Variants in TMEM161B observed in about 807,000 individuals in gnomAD.
The protein encoded by TMEM161B is transmembrane protein 161B.
In TMEM161B, 34 loss-of-function variants were observed where a neutral mutation model predicts 61.8. The observed-to-expected ratio is 0.55, with a 90% CI of 0.42 to 0.73. TMEM161B has a LOEUF of 0.73. TMEM161B is among the 30% of genes least tolerant of loss of function. The pLI is 0.00. For missense variants in TMEM161B, 456 were observed against 558.5 expected (o/e 0.82, Z 1.85); for synonymous variants, 167 against 192.8 (o/e 0.87, Z 1.11).
intron 4 of TMEM161B, among the ~76,000 whole-genome samples, chr5:88,223,901 A>T (rs922351942): frequency 1.3e-5 from 2 of 152,128 alleles, no homozygotes; most frequent in Non-Finnish European, 2.9e-5. Flanking sequence ...AAAAAATAAA[A>T]AAAAAAAACA....
intron 1 of TMEM161B, among the ~76,000 whole-genome samples, chr5:88,255,314 G>A (rs1389998534): frequency 1.3e-5 from 2 of 152,146 alleles, no homozygotes; most frequent in Non-Finnish European, 2.9e-5. Flanking sequence ...AGCATCTCTG[G>A]TATCCCACTA....
intron 3 of TMEM161B, among the ~76,000 whole-genome samples, chr5:88,227,955 T>C (rs934615355): frequency 6.6e-6 from 1 of 152,208 alleles, no homozygotes; most frequent in Non-Finnish European, 1.5e-5. Flanking sequence ...AATTAGTAGG[T>C]AGTTCTCTTC....
chr5:88,188,361 C>T (rs187292279), downstream of TMEM161B, among the ~76,000 whole-genome samples: 54 of 151,950 alleles, frequency 3.6e-4, 1 homozygote, highest in East Asian at 8.4e-3. Flanking sequence ...GATGATCCAC[C>T]CGTCTCAGCC....
intron 2 of TMEM161B, among the ~76,000 whole-genome samples, chr5:88,237,480 C>T (rs1340662717): frequency 2.0e-5 from 3 of 152,020 alleles, no homozygotes; most frequent in Admixed American, 6.6e-5. Context: ...AGGGACCTAC[C>T]TGGAGAGCTG....
chr5:88,215,011 T>C (rs1747557745), intron 5 of TMEM161B, among the ~76,000 whole-genome samples: 1 of 152,222 alleles, frequency 6.6e-6, no homozygotes, highest in African/African-American at 2.4e-5. Context: ...GAAAGCATAA[T>C]TTGCTGTCTT....
chr5:88,203,494 G>T (rs566770830), intron 8 of TMEM161B, among the ~76,000 whole-genome samples: 1 of 151,510 alleles, frequency 6.6e-6, no homozygotes, highest in African/African-American at 2.4e-5. Context: ...CAGAAGAGTC[G>T]TCTGATACTT....
intron 1 of TMEM161B, among the ~76,000 whole-genome samples, chr5:88,246,252 C>T (rs1753603585): frequency 6.6e-6 from 1 of 151,270 alleles, no homozygotes; most frequent in South Asian, 2.1e-4. Context: ...TACAATGTAT[C>T]TGCTCTTAGG....
rs761968910 is a variant in TMEM161B, at chr5:88,199,113, A to G, written c.952T>C (p.Leu318=). The G allele has an allele frequency of 6.2e-7, 1 of 1,612,636 alleles. No individual in the cohort carries two copies. The highest frequency in any genetic ancestry group is 8.5e-7 in the Non-Finnish European group (1 of 1,179,216). The part of the protein sequence containing the change: ...EATFDTLRLW[L]IILLCALRLA... ...CGCAAAGCACACAGCAGGATTATTA[A>G]CCAGAGTCGCAGAGTATCGAATGTG... is the stretch of plus-strand genomic sequence containing the variant. The change falls in exon 10 of 12, where the codon TTA becomes CTA. Residue 318 remains leucine, a synonymous_variant. Transcript: ENST00000296595.
chr5:88,190,008 T>C, exon 13 of TMEM161B: 2 of 698,216 alleles, frequency 2.9e-6, no homozygotes, highest in South Asian at 3.0e-5. Flanking sequence ...CAGCCCATTA[T>C]CTGAGCCGAT....
chr5:88,239,603 T>A (rs576855718), intron 2 of TMEM161B, among the ~76,000 whole-genome samples: 2 of 152,126 alleles, frequency 1.3e-5, no homozygotes, highest in East Asian at 3.9e-4. Flanking sequence ...CCTCAAAATG[T>A]GCATTTGTGA....
intron 1 of TMEM161B, among the ~76,000 whole-genome samples, chr5:88,267,262 T>G (rs954778840): frequency 3.9e-5 from 6 of 152,184 alleles, no homozygotes; most frequent in African/African-American, 1.4e-4. Context: ...TTTCTCCCAG[T>G]TCTGTTTTCC....
chr5:88,195,252 T>A lies in TMEM161B; in HGVS notation c.*959A>T. The A allele has an allele frequency of 7.3e-6, 7 of 959,146 alleles. No homozygotes were observed. Among genetic ancestry groups the A allele is most frequent in the Non-Finnish European group, 8.7e-6 (7 of 805,858 alleles). 59.4% of individuals were successfully genotyped at this position (959,146 alleles called of 1,614,324 possible). ...AATCTCATTCCAAAAAGAAATAAAA[T>A]TTCTAGATACAAATACATCTCATTC... On this transcript the variant is annotated 3_prime_UTR_variant, in exon 12 of 12. Transcript: ENST00000296595.
chr5:88,254,288 G>A (rs1392471076), intron 1 of TMEM161B, among the ~76,000 whole-genome samples: 1 of 152,134 alleles, frequency 6.6e-6, no homozygotes, highest in Non-Finnish European at 1.5e-5. Context: ...CGTTCTAGAT[G>A]TCCTACCTTC....
chr5:88,223,753 G>C (rs1749450187), intron 4 of TMEM161B, among the ~76,000 whole-genome samples: 1 of 152,090 alleles, frequency 6.6e-6, no homozygotes, highest in Non-Finnish European at 1.5e-5. Context: ...GCCAGGCGTG[G>C]TGGCAGGCGC....
At chr5:88,210,894 A>C (rs1339784576) in intron 5 of TMEM161B, among the ~76,000 whole-genome samples, 1 of 152,226 alleles carries the variant, frequency 6.6e-6, no homozygotes, top group Non-Finnish European at 1.5e-5. Context: ...TCAGACATTA[A>C]AAAAGGAATC....
At chr5:88,203,786 T>C (rs1344434217) in intron 8 of TMEM161B, among the ~76,000 whole-genome samples, 1 of 18,786 alleles carries the variant, frequency 5.3e-5, no homozygotes, top group African/African-American at 1.1e-4. Flanking sequence ...TATATATATA[T>C]ATATATATAT....
chr5:88,255,308 T>C (rs1022272352), intron 1 of TMEM161B, among the ~76,000 whole-genome samples: 1 of 152,144 alleles, frequency 6.6e-6, no homozygotes, highest in Non-Finnish European at 1.5e-5. Context: ...CCATAGAGCA[T>C]CTCTGGTATC....
chr5:88,246,741 A>T (rs1753669228), intron 1 of TMEM161B, among the ~76,000 whole-genome samples: 1 of 152,066 alleles, frequency 6.6e-6, no homozygotes, highest in African/African-American at 2.4e-5. Flanking sequence ...TTTTTAATTA[A>T]AGGAGAATGC....
At chr5:88,189,211 T>C (rs971800622), downstream of TMEM161B, among the ~76,000 whole-genome samples, 2 of 152,176 alleles carry the variant, frequency 1.3e-5, no homozygotes, top group Non-Finnish European at 2.9e-5. Context: ...AAAAAGACTA[T>C]TTTAACTTTT....
Sources: allele counts gnomAD v4.1 joint callset (sites outside exome capture counted in the v4.1 genomes callset), GRCh38; gene constraint gnomAD v4.1.1; transcripts MANE v1.5; gene names NCBI Gene and HGNC (gene_info 2026-07-23, HGNC 2026-07-21).